Variants in FTCDNL1 observed in about 807,000 individuals in gnomAD.
FTCDNL1 encodes formiminotransferase N-terminal subdomain-containing protein.
Under a neutral mutation model 5.9 loss-of-function variants are expected in FTCDNL1, and 11 were observed. The ratio of observed to expected loss-of-function variants is 1.87; its 90% CI spans 1.18 to 3.10. FTCDNL1 has a LOEUF of 3.10. Ranked by LOEUF, FTCDNL1 falls within the 30% of genes most tolerant of loss-of-function variation. The pLI is 0.00. For synonymous variants in FTCDNL1, 58 were observed against 24.8 expected, an observed-to-expected ratio of 2.34 and a Z score of -3.99; for missense variants, 115 against 65.5, an observed-to-expected ratio of 1.76 and a Z score of -2.61.
At chr2:199,821,862 T>A (rs1701713293) in intron 3 of FTCDNL1, among the ~76,000 whole-genome samples, 1 of 152,210 alleles carries the variant, frequency 6.6e-6, no homozygotes, top group South Asian at 2.1e-4. Context: ...AAGTTTATTT[T>A]AGCCCTAAGT....
the FTCDNL1 span, among the ~76,000 whole-genome samples, chr2:199,726,664 T>C: frequency 2.0e-5 from 3 of 152,160 alleles, no homozygotes; most frequent in East Asian, 1.9e-4. Flanking sequence ...TCCTCTTCCA[T>C]AGGGCTGCTG....
At chr2:199,798,407 C>T (rs1700275154) in intron 3 of FTCDNL1, among the ~76,000 whole-genome samples, 1 of 152,044 alleles carries the variant, frequency 6.6e-6, no homozygotes, top group African/African-American at 2.4e-5. Context: ...AGTTAAATAC[C>T]CCAGCCAAAG....
the FTCDNL1 span, among the ~76,000 whole-genome samples, chr2:199,683,487 C>T: frequency 6.6e-6 from 1 of 151,676 alleles, no homozygotes; most frequent in South Asian, 2.1e-4. Flanking sequence ...AAATTCCCTA[C>T]AACTTTAATA....
chr2:199,848,963 G>T lies in FTCDNL1; in HGVS notation c.-1C>A. 1.4e-6 allele frequency: 1 copy of T among 700,672 alleles called. No individual in the cohort carries two copies. Among genetic ancestry groups the T allele is most frequent in the South Asian group, 1.5e-5 (1 of 67,002 alleles). The allele number at this position is 700,672 out of a possible 1,614,324, so 43.4% of individuals were successfully genotyped here. ...GGAGCCCCACTCTGGAAGAAGACAT[G>T]ATTTTTCTGGAATAGGAGAAAAATT... is the stretch of plus-strand genomic sequence containing the variant. On this transcript the variant is annotated 5_prime_UTR_variant, in exon 2 of 5. Transcript: ENST00000420128.
chr2:199,760,857 A>G (rs1328286110), intron 3 of FTCDNL1: 3 of 702,098 alleles, frequency 4.3e-6, no homozygotes, highest in East Asian at 2.7e-5. Flanking sequence ...GGAAGGAGAG[A>G]TTAGTATTTG....
At chr2:199,730,452 G>T in the FTCDNL1 span, among the ~76,000 whole-genome samples, 7 of 152,072 alleles carry the variant, frequency 4.6e-5, no homozygotes, top group African/African-American at 1.7e-4. Flanking sequence ...CCTGACAAAG[G>T]TCTAATATCC....
chr2:199,838,089 G>A lies in FTCDNL1; in HGVS notation c.211+7986C>T, dbSNP rs372396108. ...AAGTTTGTGTGTCAACAGGCAACAG[G>A]GTCATGTTACAGAGACACTGGGTCT... On this transcript the variant is annotated intron_variant, in intron 3 of 4. Coordinates refer to ENST00000420128, the MANE Select transcript of FTCDNL1 (RefSeq NM_001363886.2). 2.0e-5 allele frequency among the ~76,000 whole-genome samples: 3 copies of A among 152,268 alleles called. No homozygotes were observed. In the East Asian group the frequency reaches 5.8e-4, roughly 29 times the overall value.
intron 3 of FTCDNL1, among the ~76,000 whole-genome samples, chr2:199,835,930 C>T (rs1429977349): frequency 1.3e-5 from 2 of 152,204 alleles, no homozygotes; most frequent in Admixed American, 6.5e-5. Context: ...TCATGTCTCC[C>T]ACAATGACTC....
intron 3 of FTCDNL1, among the ~76,000 whole-genome samples, chr2:199,780,601 A>G (rs2106324793): frequency 6.6e-6 from 1 of 152,134 alleles, no homozygotes; most frequent in East Asian, 1.9e-4. Context: ...CTATTACCTA[A>G]TCCAGGTTCC....
chr2:199,828,650 T>C (rs1234359112), intron 3 of FTCDNL1, among the ~76,000 whole-genome samples: 3 of 152,226 alleles, frequency 2.0e-5, no homozygotes, highest in Non-Finnish European at 4.4e-5. Flanking sequence ...CTTTTGTTTG[T>C]TTTTATTGAT....
chr2:199,787,491 C>T (rs891825395), intron 3 of FTCDNL1, among the ~76,000 whole-genome samples: 7 of 152,112 alleles, frequency 4.6e-5, no homozygotes, highest in African/African-American at 1.7e-4. Context: ...GCCTTGGCAA[C>T]CTTAATTTTC....
intron 3 of FTCDNL1, among the ~76,000 whole-genome samples, chr2:199,798,013 G>T (rs1700255639): frequency 6.6e-6 from 1 of 152,208 alleles, no homozygotes; most frequent in South Asian, 2.1e-4. Context: ...TTGCATTCTC[G>T]AGTCATTTGA....
At chr2:199,789,444 C>T (rs2106356159) in intron 3 of FTCDNL1, among the ~76,000 whole-genome samples, 1 of 152,162 alleles carries the variant, frequency 6.6e-6, no homozygotes, top group African/African-American at 2.4e-5. Flanking sequence ...ATTTTAAAAA[C>T]TTTAAAAATA....
chr2:199,701,915 A>G, the FTCDNL1 span, among the ~76,000 whole-genome samples: 1 of 152,136 alleles, frequency 6.6e-6, no homozygotes, highest in Admixed American at 6.6e-5. Flanking sequence ...CACACTGGTA[A>G]TCCCAGCTAC....
At chr2:199,827,351 T>C (rs1387866158) in intron 3 of FTCDNL1, among the ~76,000 whole-genome samples, 1 of 152,100 alleles carries the variant, frequency 6.6e-6, no homozygotes, top group Non-Finnish European at 1.5e-5. Flanking sequence ...GGGAGACTGG[T>C]GTAGATCAAA....
At chr2:199,679,316 T>C in the FTCDNL1 span, among the ~76,000 whole-genome samples, 4 of 152,132 alleles carry the variant, frequency 2.6e-5, no homozygotes, top group African/African-American at 9.7e-5. Flanking sequence ...ACAGTAACCA[T>C]TTCTGCTTTA....
At chr2:199,683,064 TC>T in the FTCDNL1 span, among the ~76,000 whole-genome samples, 12 of 152,196 alleles carry the variant, frequency 7.9e-5, no homozygotes, top group African/African-American at 2.9e-4. Flanking sequence ...CCCTTTCTTC[TC>T]TTTCCCACTG....
chr2:199,812,500 C>T lies in FTCDNL1; in HGVS notation c.*205G>A, dbSNP rs550785318. 4 of 442,330 alleles carry T rather than the reference C, an allele frequency of 9.0e-6. No individual in the cohort carries two copies. In the South Asian group the frequency reaches 2.4e-4, roughly 26 times the overall value. The allele number at this position is 442,330 out of a possible 1,614,324, so 27.4% of individuals were successfully genotyped here. ...AAATGAGAGAGATAATTAATCCCAGCAAATCGTATTTCTAGTTAAATGTCA... is the reference window on the plus strand; with the variant it reads ...AAATGAGAGAGATAATTAATCCCAGTAAATCGTATTTCTAGTTAAATGTCA... On this transcript the variant is annotated 3_prime_UTR_variant, in exon 5 of 5. Coordinates refer to ENST00000420128, the MANE Select transcript of FTCDNL1 (RefSeq NM_001363886.2).
chr2:199,777,779 G>A (rs935403685), intron 3 of FTCDNL1, among the ~76,000 whole-genome samples: 4 of 151,998 alleles, frequency 2.6e-5, no homozygotes, highest in African/African-American at 9.7e-5. Context: ...TGACAAGGGG[G>A]TGGAACGTTC....
Sources: gnomAD v4.1 joint callset for allele counts (sites outside exome capture counted in the v4.1 genomes callset) on GRCh38, gnomAD v4.1.1 for gene constraint, MANE v1.5 for transcripts, NCBI Gene and HGNC (gene_info 2026-07-23, HGNC 2026-07-21) for gene names.